The following NINJ2 variants were observed in gnomAD, a reference collection of about 807,000 sequenced individuals.
The protein encoded by NINJ2 is ninjurin-2.
A neutral mutation model predicts 11.7 loss-of-function variants in NINJ2; 12 were observed. That is an observed-to-expected ratio of 1.02 (90% CI 0.66 to 1.66). The LOEUF is 1.66. Ranked by LOEUF, NINJ2 falls within the 40% of genes most tolerant of loss-of-function variation. The probability of loss-of-function intolerance (pLI) is 0.00; values close to 1 mark genes in which losing one functional copy is unlikely to be tolerated. For synonymous variants in NINJ2, 93 were observed against 76.8 expected, an observed-to-expected ratio of 1.21 and a Z score of -1.10; for missense variants, 187 against 181.8, an observed-to-expected ratio of 1.03 and a Z score of -0.16.
chr12:589,447 G>A (rs1947688878), intron 1 of NINJ2: 1 of 152,180 alleles, frequency 6.6e-6, no homozygotes, highest in African/African-American at 2.4e-5. Context: ...ACAGATATGG[G>A]AGGAATTTCT....
chr12:574,153 C>T (rs1261888762), intron 1 of NINJ2, among the ~76,000 whole-genome samples: 1 of 151,946 alleles, frequency 6.6e-6, no homozygotes, highest in Non-Finnish European at 1.5e-5. Flanking sequence ...CCTGGGAAGG[C>T]AGAGGTTGCA....
Position 663,397 on chromosome 12 carries a change from C to T in NINJ2, c.-37G>A. 6.2e-7 allele frequency: 1 copy of T among 1,614,114 alleles called. No individual in the cohort carries two copies. Reference sequence around the variant, plus strand: ...CAAGTCCCTTCACACGCACCGGGTGCCGGGAACAGACTGCGTGGGCTCCTC... The same window carrying T: ...CAAGTCCCTTCACACGCACCGGGTGTCGGGAACAGACTGCGTGGGCTCCTC... On this transcript the variant is annotated 5_prime_UTR_variant, in exon 1 of 4. Transcript: ENST00000305108.
intron 1 of NINJ2, among the ~76,000 whole-genome samples, chr12:569,676 C>G (rs2120789088): frequency 6.6e-6 from 1 of 152,296 alleles, no homozygotes; most frequent in Non-Finnish European, 1.5e-5. Flanking sequence ...GGGGTGAGTA[C>G]ACGGGCAGCA....
chr12:637,873 G>A (rs976634310), intron 1 of NINJ2, among the ~76,000 whole-genome samples: 4 of 152,110 alleles, frequency 2.6e-5, no homozygotes, highest in African/African-American at 9.7e-5. Context: ...TCCCCACCTC[G>A]GCCCTATGGG....
At chr12:627,481 G>A (rs1470574807) in intron 1 of NINJ2, among the ~76,000 whole-genome samples, 1 of 152,222 alleles carries the variant, frequency 6.6e-6, no homozygotes, top group African/African-American at 2.4e-5. Flanking sequence ...AAGGCTTCAT[G>A]GAGGAGGTGA....
chr12:637,808 A>T (rs1260890396), intron 1 of NINJ2, among the ~76,000 whole-genome samples: 7 of 152,190 alleles, frequency 4.6e-5, no homozygotes, highest in African/African-American at 1.7e-4. Context: ...ATTAGTGCTT[A>T]CGGGTGGGGT....
At chr12:615,744 C>A (rs1316766099) in intron 1 of NINJ2, among the ~76,000 whole-genome samples, 2 of 152,196 alleles carry the variant, frequency 1.3e-5, no homozygotes, top group Non-Finnish European at 2.9e-5. Flanking sequence ...GTACCATGGG[C>A]TATTAGAGGG....
intron 1 of NINJ2, among the ~76,000 whole-genome samples, chr12:611,526 C>T (rs1424618880): frequency 3.3e-5 from 5 of 152,112 alleles, no homozygotes; most frequent in Non-Finnish European, 2.9e-5. Flanking sequence ...TTAGTAGAGA[C>T]AGGGTTTCAC....
At chr12:608,137 A>G (rs958657262) in intron 1 of NINJ2, among the ~76,000 whole-genome samples, 1 of 152,142 alleles carries the variant, frequency 6.6e-6, no homozygotes, top group Non-Finnish European at 1.5e-5. Context: ...TTGTCCACCA[A>G]TTACGTGGCA....
chr12:594,935 A>G (rs1947762064), intron 1 of NINJ2, among the ~76,000 whole-genome samples: 1 of 152,258 alleles, frequency 6.6e-6, no homozygotes, highest in Non-Finnish European at 1.5e-5. Flanking sequence ...AGACTTATTT[A>G]ATACAAAGCT....
rs1339911096 is a variant in NINJ2, at chr12:614,315, A to T, written c.34-48137T>A. Among the ~76,000 whole-genome samples, 1 of 152,210 alleles carries T rather than the reference A, an allele frequency of 6.6e-6. No individual in the cohort carries two copies. Among genetic ancestry groups the T allele is most frequent in the Non-Finnish European group, 1.5e-5 (1 of 68,046 alleles). ...CATTCGGCTGAATATTCTAGACTGC[A>T]TGAGGGAGAGGACTGTGTGTAGGTC... On this transcript the variant is annotated intron_variant, in intron 1 of 3. Transcript: ENST00000305108. This position sits in a 1 kb window ranked among gnomAD's most constrained non-coding sequence, Gnocchi z 5.1.
In NINJ2 at chr12:598,296, G is replaced by A. The variant is rs184271180; in HGVS notation, c.34-32118C>T. 9.8e-5 allele frequency among the ~76,000 whole-genome samples: 15 copies of A among 152,318 alleles called. No homozygotes were observed. The East Asian group carries it at 2.5e-3, about 25-fold the overall frequency. On this transcript the variant is annotated intron_variant, in intron 1 of 3. Coordinates refer to ENST00000305108, the MANE Select transcript of NINJ2 (RefSeq NM_016533.6). ...CCCTGGGCACCGAGGGGGTAAGTGC[G>A]GATCTACGTTCAGCAGGTAGCTGTG...
chr12:573,086 C>T (rs1263991921), intron 1 of NINJ2, among the ~76,000 whole-genome samples: 6 of 143,610 alleles, frequency 4.2e-5, no homozygotes, highest in African/African-American at 1.3e-4. Flanking sequence ...AGTGCAGTGG[C>T]GCAATCTCAG....
intron 1 of NINJ2, chr12:644,940 C>G (rs2120507395): frequency 6.6e-6 from 1 of 152,276 alleles, no homozygotes; most frequent in South Asian, 2.1e-4. Context: ...AGAATGTTCT[C>G]TGTGGCTACA....
At chr12:612,195 C>T (rs568656456) in intron 1 of NINJ2, among the ~76,000 whole-genome samples, 1 of 152,326 alleles carries the variant, frequency 6.6e-6, no homozygotes, top group South Asian at 2.1e-4. Context: ...TATCCCTGGA[C>T]TGTCTGCACG....
chr12:657,415 C>A (rs2120543003), intron 1 of NINJ2, among the ~76,000 whole-genome samples: 1 of 152,188 alleles, frequency 6.6e-6, no homozygotes, highest in Non-Finnish European at 1.5e-5. Context: ...TAGTGAAACC[C>A]CGCCTCTATT....
chr12:582,862 T>A (rs60660804), intron 1 of NINJ2, among the ~76,000 whole-genome samples: 16 of 36,606 alleles, frequency 4.4e-4, no homozygotes, highest in African/African-American at 8.0e-4. Context: ...GGCATGCTGG[T>A]GTGAATGAAT....
intron 1 of NINJ2, among the ~76,000 whole-genome samples, chr12:573,527 C>T (rs1947409088): frequency 6.6e-6 from 1 of 151,964 alleles, no homozygotes; most frequent in South Asian, 2.1e-4. Context: ...TGCAGTGGGA[C>T]AAGATTGCAC....
intron 1 of NINJ2, chr12:610,561 C>A: frequency 6.9e-7 from 1 of 1,459,156 alleles, no homozygotes; most frequent in Non-Finnish European, 9.0e-7. Flanking sequence ...CACAGCTTCA[C>A]TGGTGGGTTA....
Sources: gnomAD v4.1 joint callset for allele counts (sites outside exome capture counted in the v4.1 genomes callset) on GRCh38, gnomAD v4.1.1 for gene constraint, Gnocchi (gnomAD v3.1) non-coding constraint, MANE v1.5 for transcripts, NCBI Gene and HGNC (gene_info 2026-07-23, HGNC 2026-07-21) for gene names.